DCC: variants seen among roughly 807,000 people sequenced by gnomAD.
DCC encodes the protein DCC netrin 1 receptor.
A neutral mutation model predicts 172.5 loss-of-function variants in DCC; 58 were observed. That is an observed-to-expected ratio of 0.34 (90% CI 0.27 to 0.42). The LOEUF is 0.42. Among genes scored for constraint, DCC ranks in the 10% least tolerant of loss-of-function variants. The pLI, the probability that DCC is intolerant of heterozygous loss-of-function variation, is 1.00. For missense variants in DCC, 1,740 were observed against 1,791.0 expected (o/e 0.97, Z 0.51); for synonymous variants, 709 against 644.5 (o/e 1.10, Z -1.52).
At chr18:52,768,325 C>A (rs2037287473) in intron 2 of DCC, among the ~76,000 whole-genome samples, 1 of 152,112 alleles carries the variant, frequency 6.6e-6, no homozygotes, top group African/African-American at 2.4e-5. Context: ...ACACTTTTTC[C>A]CTTGTCTGCT....
intron 27 of DCC, among the ~76,000 whole-genome samples, chr18:53,514,314 A>C (rs1216655270): frequency 2.6e-5 from 4 of 152,152 alleles, no homozygotes; most frequent in Non-Finnish European, 4.4e-5. Flanking sequence ...GTGTAGAGGG[A>C]AATTTATAGC....
rs369332748 is a variant in DCC, at chr18:52,540,565, G to A, written c.91+199687G>A. ...TACTGTTATTTCTCGAAATAAATGTGTTATTCACTACCGTTAGGTGTATTC... is the reference window on the plus strand; with the variant it reads ...TACTGTTATTTCTCGAAATAAATGTATTATTCACTACCGTTAGGTGTATTC... On this transcript the variant is annotated intron_variant, in intron 1 of 28. Transcript: ENST00000442544. Among the ~76,000 whole-genome samples the A allele has an allele frequency of 1.5e-4, 17 of 113,830 alleles. No individual in the cohort carries two copies. In the East Asian group the frequency reaches 4.5e-3, roughly 30 times the overall value. The allele number at this position is 113,830 out of a possible 152,430, so 74.7% of individuals were successfully genotyped here. A position where few individuals can be genotyped will look rare whatever the true frequency, so the allele number is the denominator to read the frequency against.
intron 5 of DCC, among the ~76,000 whole-genome samples, chr18:52,978,846 T>TA (rs1203558286): frequency 4.6e-5 from 7 of 152,200 alleles, no homozygotes; most frequent in Non-Finnish European, 8.8e-5. Context: ...TTATTTCACT[T>TA]AGAGTAATGA....
intron 1 of DCC, among the ~76,000 whole-genome samples, chr18:52,466,425 A>G (rs1164458052): frequency 6.6e-6 from 1 of 152,152 alleles, no homozygotes; most frequent in Non-Finnish European, 1.5e-5. Flanking sequence ...TTAGCCTTAT[A>G]GGGGCCTCTC....
chr18:53,294,892 T>C (rs111623749), intron 12 of DCC, among the ~76,000 whole-genome samples: 2,508 of 152,246 alleles, frequency 0.016, 67 homozygotes, highest in African/African-American at 0.057. Context: ...AGGGCAAAGA[T>C]AAAGATTAGA....
chr18:52,608,876 T>A (rs940890938), intron 1 of DCC, among the ~76,000 whole-genome samples: 3 of 152,162 alleles, frequency 2.0e-5, no homozygotes, highest in Admixed American at 6.5e-5. Context: ...CTGAGATATG[T>A]GCACAACTCA....
intron 1 of DCC, among the ~76,000 whole-genome samples, chr18:52,583,994 G>T (rs879257613): frequency 3.9e-5 from 6 of 152,158 alleles, no homozygotes; most frequent in Non-Finnish European, 8.8e-5. Flanking sequence ...GAAGCAGATA[G>T]TGAATGTTTC....
intron 1 of DCC, among the ~76,000 whole-genome samples, chr18:52,522,742 T>A (rs931804430): frequency 6.6e-6 from 1 of 152,190 alleles, no homozygotes; most frequent in Non-Finnish European, 1.5e-5. Context: ...GTCATTAAAC[T>A]AAGTATGTTT....
chr18:53,058,939 C>T (rs2042454572), intron 5 of DCC, among the ~76,000 whole-genome samples: 1 of 152,058 alleles, frequency 6.6e-6, no homozygotes, highest in Non-Finnish European at 1.5e-5. Flanking sequence ...TCTCATGCTG[C>T]TGATAAATAC....
intron 18 of DCC, among the ~76,000 whole-genome samples, chr18:53,397,670 A>G (rs536865703): frequency 6.6e-6 from 1 of 152,306 alleles, no homozygotes; most frequent in Admixed American, 6.5e-5. Context: ...TGATTAATAC[A>G]CGGTTTCTTC....
chr18:53,248,587 G>A (rs554611703), intron 12 of DCC, among the ~76,000 whole-genome samples: 19 of 152,116 alleles, frequency 1.2e-4, no homozygotes, highest in East Asian at 9.7e-4. Context: ...AGCGAAGAAC[G>A]AAAGCCAGAG....
chr18:53,505,407 A>AGTTGGAGAGTGTGAG (rs1231424462), intron 27 of DCC: 2 of 151,980 alleles, frequency 1.3e-5, no homozygotes, highest in Non-Finnish European at 2.9e-5. Context: ...TTACAATGGG[A>AGTTGGAGAGTGTGAG]GTTGGAGAGT....
At chr18:53,510,180 C>G (rs1451397544) in intron 27 of DCC, among the ~76,000 whole-genome samples, 1 of 152,174 alleles carries the variant, frequency 6.6e-6, no homozygotes, top group African/African-American at 2.4e-5. Context: ...TCAAATGGTA[C>G]ACTGAAAAGC....
chr18:53,083,196 G>A (rs918024805), intron 7 of DCC, among the ~76,000 whole-genome samples: 9 of 152,106 alleles, frequency 5.9e-5, no homozygotes, highest in Non-Finnish European at 8.8e-5. Flanking sequence ...CCAAATAGGA[G>A]TGACAATTGG....
intron 2 of DCC, among the ~76,000 whole-genome samples, chr18:52,860,180 C>A (rs1192604944): frequency 6.6e-6 from 1 of 152,212 alleles, no homozygotes; most frequent in Non-Finnish European, 1.5e-5. Flanking sequence ...GTGTCTAATG[C>A]ATCTTCAGAT....
At chr18:52,448,460 G>A (rs79646469) in intron 1 of DCC, among the ~76,000 whole-genome samples, 64 of 151,440 alleles carry the variant, frequency 4.2e-4, no homozygotes, top group African/African-American at 1.6e-3. Context: ...TAAATTTATA[G>A]AGTTTTTTTT....
intron 1 of DCC, among the ~76,000 whole-genome samples, chr18:52,356,380 T>C (rs574417251): frequency 6.6e-6 from 1 of 152,206 alleles, no homozygotes; most frequent in East Asian, 1.9e-4. Context: ...AAAACTTTGG[T>C]TCAGGATGCC....
At chr18:52,387,581 T>TCCTTCCTTCCTTCCTC (rs1985855049) in intron 1 of DCC, among the ~76,000 whole-genome samples, 2 of 114,812 alleles carry the variant, frequency 1.7e-5, no homozygotes, top group African/African-American at 2.9e-5. Flanking sequence ...GTTTCTTCCT[T>TCCTTCCTTCCTTCCTC]CCTTCCTTCC....
chr18:53,275,531 G>A (rs2056795118), intron 12 of DCC, among the ~76,000 whole-genome samples: 1 of 152,022 alleles, frequency 6.6e-6, no homozygotes, highest in Non-Finnish European at 1.5e-5. Flanking sequence ...GCTTCCTTTA[G>A]TTCACTGTAT....
Sources: allele counts gnomAD v4.1 joint callset (sites outside exome capture counted in the v4.1 genomes callset), GRCh38; gene constraint gnomAD v4.1.1; transcripts MANE v1.5; gene names NCBI Gene and HGNC (gene_info 2026-07-23, HGNC 2026-07-21).